The following SGCD variants were observed in gnomAD, a reference collection of about 807,000 sequenced individuals.
SGCD encodes delta-sarcoglycan.
SGCD carries 18 observed loss-of-function variants against 36.6 expected under a neutral mutation model. That is an observed-to-expected ratio of 0.49 (90% CI 0.34 to 0.73). The LOEUF (loss-of-function observed/expected upper bound fraction) is 0.73. SGCD is among the 30% of genes least tolerant of loss of function. SGCD has a pLI of 0.01. For synonymous variants in SGCD, 133 were observed against 130.6 expected (o/e 1.02, Z -0.12); for missense variants, 387 against 346.7 (o/e 1.12, Z -0.92).
At chr5:156,743,558 C>T (rs1208269972) in intron 7 of SGCD, among the ~76,000 whole-genome samples, 2 of 151,580 alleles carry the variant, frequency 1.3e-5, no homozygotes, top group African/African-American at 4.9e-5. Context: ...TGTTTATTAA[C>T]TAAATCAACT....
chr5:156,497,106 A>G (rs986933740), intron 3 of SGCD, among the ~76,000 whole-genome samples: 5 of 152,088 alleles, frequency 3.3e-5, no homozygotes, highest in African/African-American at 1.2e-4. Context: ...GTCTGGTTCC[A>G]AAGCTTATAT....
chr5:156,278,394 G>A (rs1766373103), intron 3 of SGCD, among the ~76,000 whole-genome samples: 1 of 152,202 alleles, frequency 6.6e-6, no homozygotes, highest in African/African-American at 2.4e-5. Context: ...GTGAAACAAG[G>A]ATGGACACAA....
At chr5:156,000,400 C>A (rs1758640047) in intron 1 of SGCD, among the ~76,000 whole-genome samples, 3 of 152,184 alleles carry the variant, frequency 2.0e-5, no homozygotes, top group Non-Finnish European at 4.4e-5. Context: ...TCCTTTGACT[C>A]AGTGGAAAGG....
chr5:155,907,196 G>C (rs1756535815), intron 1 of SGCD, among the ~76,000 whole-genome samples: 2 of 151,870 alleles, frequency 1.3e-5, no homozygotes, highest in South Asian at 4.2e-4. Context: ...TAAGCCTACT[G>C]TGAGACCTAC....
intron 4 of SGCD, among the ~76,000 whole-genome samples, chr5:156,511,196 C>T (rs1756909403): frequency 6.6e-6 from 1 of 152,120 alleles, no homozygotes; most frequent in African/African-American, 2.4e-5. Context: ...TATAGCCTTA[C>T]ATGTTTCTAA....
chr5:156,733,660 T>C (rs909285437), intron 7 of SGCD, among the ~76,000 whole-genome samples: 10 of 152,130 alleles, frequency 6.6e-5, no homozygotes, highest in Non-Finnish European at 8.8e-5. Flanking sequence ...CTCTAAGAAC[T>C]TGCTTTATGA....
the SGCD span, among the ~76,000 whole-genome samples, chr5:155,773,925 G>GA: frequency 1.3e-5 from 2 of 152,092 alleles, no homozygotes; most frequent in African/African-American, 4.8e-5. Context: ...AAAATGTTGT[G>GA]AGGGGGAGCA....
the SGCD span, among the ~76,000 whole-genome samples, chr5:155,787,526 C>G: frequency 1.3e-5 from 2 of 152,138 alleles, no homozygotes; most frequent in Admixed American, 1.3e-4. Flanking sequence ...GGACACTCGG[C>G]CACTCTGCGA....
intron 3 of SGCD, among the ~76,000 whole-genome samples, chr5:156,376,016 A>G (rs1232544984): frequency 6.6e-6 from 1 of 152,214 alleles, no homozygotes; most frequent in East Asian, 1.9e-4. Context: ...ACAGTTATAG[A>G]TAGAAGATCA....
intron 1 of SGCD, among the ~76,000 whole-genome samples, chr5:156,076,394 T>G (rs1360928078): frequency 6.6e-6 from 1 of 152,150 alleles, no homozygotes; most frequent in African/African-American, 2.4e-5. Context: ...TTACCATAAT[T>G]TTATGTAGTG....
At chr5:156,498,522 A>G (rs1309820285) in intron 3 of SGCD, among the ~76,000 whole-genome samples, 1 of 152,170 alleles carries the variant, frequency 6.6e-6, no homozygotes, top group African/African-American at 2.4e-5. Flanking sequence ...ATCATGCAAT[A>G]TGTGGTCTTT....
At chr5:155,766,153 TATC>T in the SGCD span, among the ~76,000 whole-genome samples, 1 of 152,094 alleles carries the variant, frequency 6.6e-6, no homozygotes, top group Non-Finnish European at 1.5e-5. Context: ...CCATAACTGT[TATC>T]ATGAGAGATA....
intron 3 of SGCD, among the ~76,000 whole-genome samples, chr5:156,190,370 G>C (rs1763861986): frequency 6.6e-6 from 1 of 152,050 alleles, no homozygotes; most frequent in African/African-American, 2.4e-5. Context: ...CACCAAAAAA[G>C]GATCTGCCCG....
At chr5:156,720,470 A>G (rs1233569501) in intron 7 of SGCD, among the ~76,000 whole-genome samples, 2 of 152,206 alleles carry the variant, frequency 1.3e-5, no homozygotes, top group African/African-American at 2.4e-5. Flanking sequence ...TTGTTCGGGG[A>G]AGAGCACAGT....
chr5:156,342,471 A>G (rs899846545), intron 2 of SGCD, among the ~76,000 whole-genome samples: 3 of 152,242 alleles, frequency 2.0e-5, no homozygotes, highest in African/African-American at 4.8e-5. Context: ...ACGTGATTCT[A>G]AGATTCTGTG....
the SGCD span, among the ~76,000 whole-genome samples, chr5:155,782,344 T>C: frequency 2.4e-4 from 37 of 152,194 alleles, no homozygotes; most frequent in African/African-American, 8.9e-4. Context: ...TTTTTCTTAA[T>C]ATACATTTGG....
At chr5:155,887,885 T>TC in intron 1 of SGCD, among the ~76,000 whole-genome samples, 1 of 152,334 alleles carries the variant, frequency 6.6e-6, no homozygotes, top group South Asian at 2.1e-4. Context: ...TGATCCTTAA[T>TC]TTATACTAAG....
At chr5:156,326,163 T>A (rs931322766), upstream of SGCD, among the ~76,000 whole-genome samples, 6 of 151,700 alleles carry the variant, frequency 4.0e-5, no homozygotes, top group Non-Finnish European at 7.4e-5. Flanking sequence ...GATATGGGGG[T>A]TTTTCAGTGT....
intron 3 of SGCD, among the ~76,000 whole-genome samples, chr5:156,448,405 C>T (rs1753839382): frequency 3.3e-5 from 5 of 152,162 alleles, no homozygotes; most frequent in Admixed American, 3.3e-4. Context: ...GCCTCTCAAG[C>T]AGACCGTGAG....
Sources: gnomAD v4.1 joint callset for allele counts (sites outside exome capture counted in the v4.1 genomes callset) on GRCh38, gnomAD v4.1.1 for gene constraint, MANE v1.5 for transcripts, NCBI Gene and HGNC (gene_info 2026-07-23, HGNC 2026-07-21) for gene names.